KSR2: variants seen among roughly 807,000 people sequenced by gnomAD.
The protein encoded by KSR2 is kinase suppressor of ras 2.
A neutral mutation model predicts 107.8 loss-of-function variants in KSR2; 25 were observed. The observed-to-expected ratio is 0.23, with a 90% CI of 0.17 to 0.32. KSR2 has a LOEUF of 0.32. KSR2 is among the 10% of genes least tolerant of loss of function. KSR2 has a pLI of 1.00. For missense variants in KSR2, 887 were observed against 1,268.9 expected (o/e 0.70, Z 4.57); for synonymous variants, 480 against 507.0 (o/e 0.95, Z 0.71).
chr12:117,783,527 G>A (rs1256258506), intron 3 of KSR2, among the ~76,000 whole-genome samples: 1 of 152,180 alleles, frequency 6.6e-6, no homozygotes, highest in Non-Finnish European at 1.5e-5. Flanking sequence ...CTCTGGCCAT[G>A]ATAGAGCAAG....
At chr12:117,675,100 C>T (rs906621601) in intron 4 of KSR2, among the ~76,000 whole-genome samples, 3 of 152,222 alleles carry the variant, frequency 2.0e-5, no homozygotes, top group Non-Finnish European at 2.9e-5. Flanking sequence ...CTCCTGGTTA[C>T]ACCTGCTCCC....
intron 1 of KSR2, among the ~76,000 whole-genome samples, chr12:117,953,991 G>A (rs1391759585): frequency 6.6e-6 from 1 of 151,954 alleles, no homozygotes; most frequent in African/African-American, 2.4e-5. Context: ...TCAGGAGGCT[G>A]AGGCAGGACA....
intron 4 of KSR2, among the ~76,000 whole-genome samples, chr12:117,752,191 T>G (rs140034909): frequency 6.6e-6 from 1 of 152,304 alleles, no homozygotes; most frequent in African/African-American, 2.4e-5. Flanking sequence ...AGTGAAGGTA[T>G]AATAAACACG....
chr12:117,514,487 C>G (rs1475998474), intron 14 of KSR2, among the ~76,000 whole-genome samples: 1 of 151,778 alleles, frequency 6.6e-6, no homozygotes, highest in Non-Finnish European at 1.5e-5. Context: ...GTTCAAGTTC[C>G]TTAGCCTGAC....
intron 4 of KSR2, among the ~76,000 whole-genome samples, chr12:117,707,410 TA>T (rs561098556): frequency 1.8e-4 from 27 of 152,226 alleles, no homozygotes; most frequent in Non-Finnish European, 3.8e-4. Context: ...GTGCAAACTA[TA>T]TCTTGATAAA....
chr12:117,696,423 A>T (rs1368909540), intron 4 of KSR2, among the ~76,000 whole-genome samples: 1 of 152,212 alleles, frequency 6.6e-6, no homozygotes, highest in Non-Finnish European at 1.5e-5. Context: ...ATGCCAAGAA[A>T]AAAACAGGTT....
Position 117,826,114 on chromosome 12 carries a change from G to A in KSR2, c.472+29314C>T, listed in dbSNP as rs1183193512. On this transcript the variant is annotated intron_variant, in intron 3 of 19. Transcript: ENST00000339824. ...GGAAGGAAAGAGCAAAGGGGAGATG[G>A]ATAGAAACAGAAGAGAATGAGATGG... Among the ~76,000 whole-genome samples, 4 of 151,664 alleles carry A rather than the reference G, an allele frequency of 2.6e-5. No individual in the cohort carries two copies. In the East Asian group the frequency reaches 7.8e-4, roughly 30 times the overall value.
intron 5 of KSR2, among the ~76,000 whole-genome samples, chr12:117,609,690 A>G (rs535408788): frequency 2.0e-5 from 3 of 152,284 alleles, no homozygotes; most frequent in African/African-American, 7.2e-5. Flanking sequence ...AGGCCATATG[A>G]CAGGGCTCTC....
At chr12:117,965,969 A>G (rs1264304634) in intron 1 of KSR2, among the ~76,000 whole-genome samples, 1 of 151,082 alleles carries the variant, frequency 6.6e-6, no homozygotes, top group African/African-American at 2.4e-5. Context: ...ACAAATTGGA[A>G]TAATTGCTCA....
At chr12:117,724,001 A>G (rs573602115) in intron 4 of KSR2, among the ~76,000 whole-genome samples, 341 of 152,242 alleles carry the variant, frequency 2.2e-3, no homozygotes, top group Non-Finnish European at 3.8e-3. Flanking sequence ...TGTTTTAAAG[A>G]TAGGGTTAAA....
rs570345545 is a variant in KSR2 at position 117,836,436 on chromosome 12, C to CA, written c.472+18991dup. Among the ~76,000 whole-genome samples, 625 of 152,304 alleles carry CA rather than the reference C, an allele frequency of 4.1e-3. 4 individuals are homozygous for CA. The highest frequency in any genetic ancestry group is 0.027 in the South Asian group (132 of 4,824). On this transcript the variant is annotated intron_variant, in intron 3 of 19. Coordinates refer to ENST00000339824, the MANE Select transcript of KSR2 (RefSeq NM_173598.6). ...TGTATGATTCCCAATTCACCCCAGC[C>CA]AAAAGGAGCACAGCAAAGTCCCGCT...
chr12:117,873,147 C>T lies in KSR2; in HGVS notation c.181-12716G>A, dbSNP rs1307003523. 2.6e-5 allele frequency among the ~76,000 whole-genome samples: 4 copies of T among 152,164 alleles called. No individual in the cohort carries two copies. In the South Asian group the frequency reaches 6.2e-4, roughly 24 times the overall value. On this transcript the variant is annotated intron_variant, in intron 1 of 19. Transcript: ENST00000339824. ...ATCACCTGAGGTCAGGAGTTTGAGA[C>T]CAGCCTGGCTCACATGGTGAAACCC...
chr12:117,761,899 T>C (rs1359018206), intron 3 of KSR2, among the ~76,000 whole-genome samples: 2 of 152,236 alleles, frequency 1.3e-5, no homozygotes, highest in African/African-American at 4.8e-5. Flanking sequence ...GTGCATTACA[T>C]CATATGCATG....
At chr12:117,467,925 T>TTG (rs1279393633) in intron 19 of KSR2, 15 of 373,196 alleles carry the variant, frequency 4.0e-5, no homozygotes, top group Admixed American at 3.9e-4. Flanking sequence ...CTGTGTTTTT[T>TTG]TTTTTTTTTT....
chr12:117,810,514 C>T (rs188476967), intron 3 of KSR2, among the ~76,000 whole-genome samples: 12 of 152,258 alleles, frequency 7.9e-5, no homozygotes, highest in East Asian at 3.9e-4. Flanking sequence ...GGTCTCACTA[C>T]GTTGCCCAGA....
At chr12:117,800,151 G>C (rs974590179) in intron 3 of KSR2, among the ~76,000 whole-genome samples, 15 of 152,196 alleles carry the variant, frequency 9.9e-5, no homozygotes, top group Admixed American at 6.5e-4. Flanking sequence ...TGCTTTGGGG[G>C]CCTACAGCTC....
At chr12:117,826,706 G>GCACA (rs10560304) in intron 3 of KSR2, among the ~76,000 whole-genome samples, 1 of 149,012 alleles carries the variant, frequency 6.7e-6, no homozygotes, top group Non-Finnish European at 1.5e-5. Flanking sequence ...ATACACACAT[G>GCACA]CACACACACA....
intron 1 of KSR2, among the ~76,000 whole-genome samples, chr12:117,926,361 C>A (rs1895518609): frequency 6.6e-6 from 1 of 152,218 alleles, no homozygotes; most frequent in Non-Finnish European, 1.5e-5. Context: ...ATGCTGTAAG[C>A]ACCAACCATT....
chr12:117,570,349 G>A (rs1196038022), intron 7 of KSR2, among the ~76,000 whole-genome samples: 1 of 152,162 alleles, frequency 6.6e-6, no homozygotes. Context: ...CTGGCATCTA[G>A]TGGGTAGAAA....
Sources: allele counts gnomAD v4.1 joint callset (sites outside exome capture counted in the v4.1 genomes callset), GRCh38; gene constraint gnomAD v4.1.1; transcripts MANE v1.5; gene names NCBI Gene and HGNC (gene_info 2026-07-23, HGNC 2026-07-21).